The following APBA2 variants were observed in gnomAD, a reference collection of about 807,000 sequenced individuals.
APBA2 encodes the protein amyloid-beta A4 precursor protein-binding family A member 2.
APBA2 carries 30 observed loss-of-function variants against 75.0 expected under a neutral mutation model. That is an observed-to-expected ratio of 0.40 (90% CI 0.30 to 0.54). The LOEUF (loss-of-function observed/expected upper bound fraction) is 0.54, where lower values mean the gene tolerates loss of function less well. Among genes scored for constraint, APBA2 ranks in the 20% least tolerant of loss-of-function variants. The pLI, the probability that APBA2 is intolerant of heterozygous loss-of-function variation, is 0.49. For synonymous variants in APBA2, 444 were observed against 409.6 expected (o/e 1.08, Z -1.01); for missense variants, 801 against 1,016.1 (o/e 0.79, Z 2.88).
In APBA2 at chr15:28,942,193, T is replaced by G. The variant is rs144072343; in HGVS notation, c.-95+20444T>G. ...TGCAAGTGGGCAATTGTGAACAGTC[T>G]GCTGGTGCAGGATGTGGCGCTTCGT... On this transcript the variant is annotated intron_variant, in intron 2 of 14. Coordinates refer to ENST00000683413, the MANE Select transcript of APBA2 (RefSeq NM_001353788.2). 3.9e-5 allele frequency among the ~76,000 whole-genome samples: 6 copies of G among 152,360 alleles called. No individual in the cohort carries two copies. The East Asian group carries it at 1.2e-3, about 29-fold the overall frequency.
chr15:29,089,999 C>T (rs1431408153), intron 6 of APBA2, among the ~76,000 whole-genome samples: 1 of 152,162 alleles, frequency 6.6e-6, no homozygotes, highest in East Asian at 1.9e-4. Context: ...TCTGCGTTTC[C>T]TGCGGAAGTT....
chr15:29,070,416 T>C (rs2042567563), intron 4 of APBA2, among the ~76,000 whole-genome samples: 1 of 152,234 alleles, frequency 6.6e-6, no homozygotes, highest in African/African-American at 2.4e-5. Context: ...ACAGACTGAC[T>C]GGCTGTTTTT....
At chr15:28,888,567 C>T (rs1048959763) in intron 1 of APBA2, among the ~76,000 whole-genome samples, 5 of 152,190 alleles carry the variant, frequency 3.3e-5, no homozygotes, top group Admixed American at 2.0e-4. Flanking sequence ...CAGGTGACAC[C>T]ATGGTCCGAA....
At chr15:28,956,492 T>TGA in intron 2 of APBA2, among the ~76,000 whole-genome samples, 1 of 152,202 alleles carries the variant, frequency 6.6e-6, no homozygotes, top group Non-Finnish European at 1.5e-5. Flanking sequence ...TATTTGGACT[T>TGA]TATCCAGTGG....
At chr15:28,902,081 G>A (rs144572808) in intron 1 of APBA2, among the ~76,000 whole-genome samples, 1 of 151,950 alleles carries the variant, frequency 6.6e-6, no homozygotes, top group East Asian at 1.9e-4. Flanking sequence ...CGAAGGTAAA[G>A]GGGGGTGCAT....
At position 28,888,634 on chromosome 15, in the gene APBA2, C is replaced by A. The variant is rs558843684; in HGVS notation, c.-205+2356C>A. ...GAGAGGACTGGCGGTCGGTGGGGAT[C>A]GAGACCCAGCACACATCACTGGGTG... On this transcript the variant is annotated intron_variant, in intron 1 of 14. Transcript: ENST00000683413. 3.3e-5 allele frequency among the ~76,000 whole-genome samples: 5 copies of A among 152,296 alleles called. No homozygotes were observed. The South Asian group carries it at 1.0e-3, about 32-fold the overall frequency.
chr15:28,996,487 C>T (rs1287914558), intron 3 of APBA2, among the ~76,000 whole-genome samples: 1 of 152,172 alleles, frequency 6.6e-6, no homozygotes, highest in African/African-American at 2.4e-5. Context: ...GCCCTGGTGC[C>T]AGCCGAGTGT....
intron 3 of APBA2, among the ~76,000 whole-genome samples, chr15:29,030,028 G>T (rs777911992): frequency 6.6e-6 from 1 of 152,206 alleles, no homozygotes; most frequent in Admixed American, 6.5e-5. Flanking sequence ...GGCCCAACAG[G>T]TGTGGCCCCA....
intron 2 of APBA2, chr15:28,970,590 C>G (rs796143000): frequency 6.6e-6 from 1 of 150,626 alleles, no homozygotes; most frequent in Non-Finnish European, 1.5e-5. Flanking sequence ...TGGAAACATA[C>G]TTTACTTTTT....
At chr15:28,887,909 C>G (rs1479179506) in intron 1 of APBA2, among the ~76,000 whole-genome samples, 2 of 152,038 alleles carry the variant, frequency 1.3e-5, no homozygotes, top group Non-Finnish European at 2.9e-5. Flanking sequence ...GGTCTGTGCC[C>G]CTCCCTACTG....
chr15:29,009,061 C>A (rs1035055984), intron 3 of APBA2, among the ~76,000 whole-genome samples: 13 of 152,168 alleles, frequency 8.5e-5, no homozygotes, highest in African/African-American at 3.1e-4. Context: ...AGCCTTGGAT[C>A]CCCTAGTGCA....
chr15:29,022,371 G>C (rs960866744), intron 3 of APBA2, among the ~76,000 whole-genome samples: 5 of 152,080 alleles, frequency 3.3e-5, no homozygotes, highest in Non-Finnish European at 5.9e-5. Flanking sequence ...TCCCCGATTG[G>C]TCTTTTCCTT....
At chr15:29,045,906 T>C (rs1429667167) in intron 3 of APBA2, among the ~76,000 whole-genome samples, 2 of 152,212 alleles carry the variant, frequency 1.3e-5, no homozygotes, top group African/African-American at 2.4e-5. Context: ...AATGATGTGC[T>C]AGATGATTAG....
rs533060406 is a variant in APBA2, at chr15:29,096,877, G to A, written c.1252-1613G>A. On this transcript the variant is annotated intron_variant, in intron 8 of 14. Coordinates refer to ENST00000683413, the MANE Select transcript of APBA2 (RefSeq NM_001353788.2). ...ATAGAACTTGAAATTCATTGCCACC[G>A]TGCAGTGGTAATTAGGATTCTTACA... Among the ~76,000 whole-genome samples the A allele has an allele frequency of 8.5e-5, 13 of 152,340 alleles. No individual in the cohort carries two copies. In the South Asian group the frequency reaches 2.1e-3, roughly 24 times the overall value.
rs114861361 is a variant in APBA2 at position 29,091,426 on chromosome 15, G to C, written c.1070-1649G>C. On this transcript the variant is annotated intron_variant, in intron 6 of 14. Transcript: ENST00000683413. ...GCTCCCCACTTGGTCTGTCTGAGCA[G>C]GTGAGGGAGGGGCAGCCAGGAGTTT... Among the ~76,000 whole-genome samples, 518 of 152,312 alleles carry C rather than the reference G, an allele frequency of 3.4e-3. 4 individuals carry two copies. The highest frequency in any genetic ancestry group is 0.012 in the African/African-American group (510 of 41,574).
chr15:29,107,382 G>A (rs1033717404), intron 12 of APBA2, among the ~76,000 whole-genome samples: 19 of 152,278 alleles, frequency 1.2e-4, no homozygotes, highest in South Asian at 1.2e-3. Flanking sequence ...CACACTGGCC[G>A]CCTGCGAAGG....
intron 2 of APBA2, among the ~76,000 whole-genome samples, chr15:28,925,563 A>G (rs2034213685): frequency 6.6e-6 from 1 of 152,200 alleles, no homozygotes; most frequent in African/African-American, 2.4e-5. Context: ...TTTTTAAAAT[A>G]CTTGTTAAGG....
rs1037789862 is a variant in APBA2 at position 28,886,112 on chromosome 15, C to G, written c.-371C>G. The G allele has an allele frequency of 6.7e-6, 1 of 149,862 alleles. No individual in the cohort carries two copies. Among genetic ancestry groups the G allele is most frequent in the Non-Finnish European group, 1.5e-5 (1 of 67,234 alleles). The allele number at this position is 149,862 out of a possible 1,614,324, so 9.3% of individuals were successfully genotyped here. ...GGCCCTGCGTGCCGTACGCTGCGTC[C>G]GGGGCGCGCCCGCCGCTATTCGGGA... On this transcript the variant is annotated 5_prime_UTR_variant, in exon 1 of 15. Coordinates refer to ENST00000683413, the MANE Select transcript of APBA2 (RefSeq NM_001353788.2).
chr15:28,928,604 A>C (rs542544744), intron 2 of APBA2, among the ~76,000 whole-genome samples: 1 of 152,170 alleles, frequency 6.6e-6, no homozygotes, highest in African/African-American at 2.4e-5. Flanking sequence ...AGGAGGCCAG[A>C]GGGGGCTGGA....
Sources: gnomAD v4.1 joint callset for allele counts (sites outside exome capture counted in the v4.1 genomes callset) on GRCh38, gnomAD v4.1.1 for gene constraint, MANE v1.5 for transcripts, NCBI Gene and HGNC (gene_info 2026-07-23, HGNC 2026-07-21) for gene names.